The following ZSWIM3 variants were observed in gnomAD, a reference collection of about 807,000 sequenced individuals.
ZSWIM3 encodes zinc finger SWIM domain-containing protein 3.
ZSWIM3 carries 27 observed loss-of-function variants against 47.5 expected under a neutral mutation model. The observed-to-expected ratio is 0.57, with a 90% confidence interval of 0.42 to 0.78. The LOEUF is 0.78. Ranked by LOEUF, ZSWIM3 falls within the 30% of genes least tolerant of loss-of-function variation. The probability of loss-of-function intolerance (pLI) is 0.00; values close to 1 mark genes in which losing one functional copy is unlikely to be tolerated. For synonymous variants in ZSWIM3, 333 were observed against 333.9 expected, an observed-to-expected ratio of 1.00 and a Z score of 0.03; for missense variants, 689 against 861.3, an observed-to-expected ratio of 0.80 and a Z score of 2.50.
rs1330481147 is a variant in ZSWIM3 at position 45,878,218 on chromosome 20, C to G, written c.1660C>G (p.Gln554Glu). The G allele has an allele frequency of 1.2e-6, 2 of 1,614,218 alleles. No homozygotes were observed. The highest frequency in any genetic ancestry group is 3.3e-5 in the Admixed American group (2 of 60,028). The change falls in exon 2 of 2, where the codon CAA (glutamine) becomes GAA (glutamate). Residue 554 changes from glutamine (Q) to glutamate (E), a missense_variant. Coordinates refer to ENST00000255152, the MANE Select transcript of ZSWIM3 (RefSeq NM_080752.4). ...TGGCTGTAGCTGCAGCTGTTCCTTT[C>G]AACAATGGTACCACCTGCCATGCCG... ...KDGCSCSCSFQQWYHLPCRHI... is the reference protein window; with the variant it reads ...KDGCSCSCSFEQWYHLPCRHI...
Position 45,878,224 on chromosome 20 carries a change from T to C in ZSWIM3, c.1666T>C (p.Trp556Arg). The change falls in exon 2 of 2, where the codon TGG becomes CGG. Residue 556 changes from tryptophan to arginine, a missense_variant. Transcript: ENST00000255152. Reference sequence around the variant, plus strand: ...TAGCTGCAGCTGTTCCTTTCAACAATGGTACCACCTGCCATGCCGACACAT... The same window carrying C: ...TAGCTGCAGCTGTTCCTTTCAACAACGGTACCACCTGCCATGCCGACACAT... ...GCSCSCSFQQ[W>R]YHLPCRHILA... 5 of 1,614,180 alleles carry C rather than the reference T, an allele frequency of 3.1e-6. No homozygotes were observed. Among genetic ancestry groups the C allele is most frequent in the Non-Finnish European group, 4.2e-6 (5 of 1,180,032 alleles).
rs760317944 is a variant in ZSWIM3 at position 45,857,816 on chromosome 20, G to C, written c.-10G>C. ...GGGACCAGCCCCTAGTGTGGGTTGT[G>C]GGGGCGGCCATGGAGCTGGGCAGCT... On this transcript the variant is annotated 5_prime_UTR_variant, in exon 1 of 2. Coordinates refer to ENST00000255152, the MANE Select transcript of ZSWIM3 (RefSeq NM_080752.4). The C allele has an allele frequency of 1.2e-5, 20 of 1,613,232 alleles. No individual in the cohort carries two copies. The highest frequency in any genetic ancestry group is 4.0e-5 in the African/African-American group (3 of 74,906).
At chr20:45,873,461 G>A (rs1986022627) in intron 1 of ZSWIM3, among the ~76,000 whole-genome samples, 1 of 152,006 alleles carries the variant, frequency 6.6e-6, no homozygotes, top group South Asian at 2.1e-4. Flanking sequence ...CTACCCTGAG[G>A]AATAATAGTC....
At chr20:45,865,867 C>T (rs1188197618) in intron 1 of ZSWIM3, among the ~76,000 whole-genome samples, 2 of 151,816 alleles carry the variant, frequency 1.3e-5, no homozygotes, top group Admixed American at 1.3e-4. Flanking sequence ...GTGGCAGGCG[C>T]CTGTAATCCC....
intron 1 of ZSWIM3, among the ~76,000 whole-genome samples, chr20:45,870,937 C>T (rs985433579): frequency 6.6e-6 from 1 of 152,126 alleles, no homozygotes; most frequent in African/African-American, 2.4e-5. Context: ...TCAAGTGATC[C>T]ACCTACCTTG....
In ZSWIM3 at chr20:45,877,488, A is replaced by G. The variant is rs1261152083; in HGVS notation, c.930A>G (p.Thr310=). 2 of 1,614,042 alleles carry G rather than the reference A, an allele frequency of 1.2e-6. No homozygotes were observed. The highest frequency in any genetic ancestry group is 1.7e-6 in the Non-Finnish European group (2 of 1,180,004). ...GCATCCTCCTTTCCATCTACCACAC[A>G]ACCCGACTCTTGGAGAAGAAGTTGC... ...AARILLSIYH[T]TRLLEKKLHR... Residue 310 remains threonine, a synonymous_variant, in exon 2 of 2, where the codon ACA becomes ACG. Transcript: ENST00000255152.
rs953361442 is a variant in ZSWIM3 at position 45,857,963 on chromosome 20, C to T, written c.138C>T (p.Ser46=). ...TCCACAACCTCAACCATGGCACCTC[C>T]ATCCGCGAAGACATCCTGTAAGGGC... ...VRFHNLNHGT[S]IREDILYVQV... The change falls in exon 1 of 2, where the codon TCC becomes TCT. Residue 46 remains serine, a synonymous_variant. Coordinates refer to ENST00000255152, the MANE Select transcript of ZSWIM3 (RefSeq NM_080752.4). The T allele has an allele frequency of 1.2e-6, 2 of 1,603,888 alleles. No homozygotes were observed. Among genetic ancestry groups the T allele is most frequent in the African/African-American group, 2.7e-5 (2 of 73,654 alleles).
intron 1 of ZSWIM3, among the ~76,000 whole-genome samples, chr20:45,862,567 C>G (rs908346853): frequency 6.6e-6 from 1 of 152,144 alleles, no homozygotes; most frequent in Non-Finnish European, 1.5e-5. Context: ...TCTTGGCTCA[C>G]TGCAACCTCT....
Position 45,877,323 on chromosome 20 carries a change from G to T in ZSWIM3, c.765G>T (p.Lys255Asn), listed in dbSNP as rs1986124203. ...GAGTGGTGCACTTTGCTGTGCTCAAGGCGGAGACAGTCACCTCTGTGGCCA... is the reference window on the plus strand; with the variant it reads ...GAGTGGTGCACTTTGCTGTGCTCAATGCGGAGACAGTCACCTCTGTGGCCA... ...ESRVVHFAVL[K>N]AETVTSVAKM... The change falls in exon 2 of 2, where the codon AAG becomes AAT. Residue 255 changes from lysine (K) to asparagine (N), a missense_variant. By Grantham distance (94) the Lys-to-Asn change is moderately conservative. Coordinates refer to ENST00000255152, the MANE Select transcript of ZSWIM3 (RefSeq NM_080752.4). The T allele has an allele frequency of 6.2e-7, 1 of 1,614,182 alleles. No homozygotes were observed. Among genetic ancestry groups the T allele is most frequent in the East Asian group, 2.2e-5 (1 of 44,884 alleles).
At chr20:45,872,347 T>TGGTA (rs2145791167) in intron 1 of ZSWIM3, among the ~76,000 whole-genome samples, 1 of 152,360 alleles carries the variant, frequency 6.6e-6, no homozygotes, top group East Asian at 1.9e-4. Context: ...GAGCCAGGAA[T>TGGTA]GGTACAAGGA....
rs369377531 is a variant in ZSWIM3, at chr20:45,857,821, C to A, written c.-5C>A. ...CAGCCCCTAGTGTGGGTTGTGGGGGCGGCCATGGAGCTGGGCAGCTGCTTC... is the reference window on the plus strand; with the variant it reads ...CAGCCCCTAGTGTGGGTTGTGGGGGAGGCCATGGAGCTGGGCAGCTGCTTC... On this transcript the variant is annotated 5_prime_UTR_variant, in exon 1 of 2. Coordinates refer to ENST00000255152, the MANE Select transcript of ZSWIM3 (RefSeq NM_080752.4). 3.3e-5 allele frequency: 53 copies of A among 1,613,014 alleles called. No individual in the cohort carries two copies. In the African/African-American group the frequency reaches 6.0e-4, roughly 18 times the overall value.
intron 1 of ZSWIM3, among the ~76,000 whole-genome samples, chr20:45,861,741 AT>A (rs1032890081): frequency 4.0e-5 from 6 of 148,296 alleles, no homozygotes; most frequent in African/African-American, 1.2e-4. Flanking sequence ...TGCCAGGCTA[AT>A]TTTTTTTTTT....
intron 1 of ZSWIM3, among the ~76,000 whole-genome samples, chr20:45,869,050 C>T (rs1985908767): frequency 6.6e-6 from 1 of 152,104 alleles, no homozygotes; most frequent in African/African-American, 2.4e-5. Flanking sequence ...GATCCACCCG[C>T]CTCGGCCTCC....
intron 1 of ZSWIM3, among the ~76,000 whole-genome samples, chr20:45,860,502 C>T (rs1391496542): frequency 2.4e-5 from 3 of 125,952 alleles, no homozygotes; most frequent in Admixed American, 8.8e-5. Flanking sequence ...CAGAGCGAGA[C>T]TCCATCTCAA....
At chr20:45,869,524 G>GA (rs921269969) in intron 1 of ZSWIM3, among the ~76,000 whole-genome samples, 64 of 145,064 alleles carry the variant, frequency 4.4e-4, no homozygotes, top group African/African-American at 1.1e-3. Flanking sequence ...CGTCTCAAAA[G>GA]AAAAAAAAAA....
At position 45,871,986 on chromosome 20, in the gene ZSWIM3, T is replaced by C. The variant is rs529770450; in HGVS notation, c.156-4728T>C. ...TAGGAATTCAGAGAAAGGATAAATA[T>C]TTTGAAGGAAGGCAGCATAATGGTT... On this transcript the variant is annotated intron_variant, in intron 1 of 1. Coordinates refer to ENST00000255152, the MANE Select transcript of ZSWIM3 (RefSeq NM_080752.4). 6.6e-5 allele frequency among the ~76,000 whole-genome samples: 10 copies of C among 152,246 alleles called. No homozygotes were observed. In the South Asian group the frequency reaches 2.1e-3, roughly 32 times the overall value.
At position 45,857,745 on chromosome 20, in the gene ZSWIM3, C is replaced by G; in HGVS notation, c.-81C>G. ...CTGGGCCCACGCCTGCCTATAAACC[C>G]TCATAGTGTGACCTTTGACCCCTGG... On this transcript the variant is annotated 5_prime_UTR_variant, in exon 1 of 2. Transcript: ENST00000255152. 6.5e-7 allele frequency: 1 copy of G among 1,541,158 alleles called. No individual in the cohort carries two copies. The highest frequency in any genetic ancestry group is 8.8e-7 in the Non-Finnish European group (1 of 1,134,710).
At chr20:45,862,514 T>C (rs974132480) in intron 1 of ZSWIM3, among the ~76,000 whole-genome samples, 1 of 151,026 alleles carries the variant, frequency 6.6e-6, no homozygotes, top group East Asian at 2.0e-4. Flanking sequence ...TATTTTGAGA[T>C]GGAGTCTTGC....
At position 45,878,668 on chromosome 20, in the gene ZSWIM3, T is replaced by C. The variant is rs17446511; in HGVS notation, c.*19T>C. On this transcript the variant is annotated 3_prime_UTR_variant, in exon 2 of 2. Transcript: ENST00000255152. ...TTATTGAAGCACTTTAGCTGAAGCA[T>C]TGGACCACAAACACTTCTCCTTGGA... 0.05 allele frequency: 79,461 copies of C among 1,586,524 alleles called. 2,560 individuals carry two copies. Among genetic ancestry groups the C allele is most frequent in the South Asian group, 0.13 (11,111 of 88,306 alleles).
Sources: gnomAD v4.1 joint callset for allele counts (sites outside exome capture counted in the v4.1 genomes callset) on GRCh38, gnomAD v4.1.1 for gene constraint, MANE v1.5 for transcripts, NCBI Gene and HGNC (gene_info 2026-07-23, HGNC 2026-07-21) for gene names.